Variants in TBK1 observed in about 807,000 individuals in gnomAD.
TBK1 encodes the protein TANK binding kinase 1, also known as serine/threonine-protein kinase TBK1.
TBK1 carries 37 observed loss-of-function variants against 99.9 expected under a neutral mutation model. The ratio of observed to expected loss-of-function variants is 0.37; its 90% CI spans 0.28 to 0.49. The LOEUF (loss-of-function observed/expected upper bound fraction) is 0.49. Among genes scored for constraint, TBK1 ranks in the 20% least tolerant of loss-of-function variants. The pLI is 0.98. For synonymous variants in TBK1, 258 were observed against 279.8 expected (o/e 0.92, Z 0.78); for missense variants, 644 against 872.5 (o/e 0.74, Z 3.30).
At chr12:64,489,322 CAG>C (rs754960585) in intron 12 of TBK1, among the ~76,000 whole-genome samples, 2 of 152,118 alleles carry the variant, frequency 1.3e-5, no homozygotes, top group Admixed American at 6.5e-5. Context: ...CGTTTTGAAA[CAG>C]AATGATATTT....
intron 8 of TBK1, among the ~76,000 whole-genome samples, chr12:64,482,810 T>A (rs1259117051): frequency 6.6e-6 from 1 of 152,240 alleles, no homozygotes; most frequent in Non-Finnish European, 1.5e-5. Flanking sequence ...TGTAGTTTTC[T>A]GTAAATATAC....
chr12:64,488,578 A>C lies in TBK1; in HGVS notation c.1432A>C (p.Thr478Pro), dbSNP rs749243773. Residue 478 changes from threonine to proline, a missense_variant, in exon 12 of 21, where the codon ACT (threonine) becomes CCT (proline). Thr to Pro is a conservative substitution (Grantham distance 38, BLOSUM62 -1). Around this residue, in one of 3 missense-constraint regions of TBK1, gnomAD observed 465 missense variants for 588.0 expected, o/e 0.79. Coordinates refer to ENST00000331710, the MANE Select transcript of TBK1 (RefSeq NM_013254.4). ...TTTCTGTATCAGAAACATTGAAAAA[A>C]CTGTGAAAGTGTGAGTAGACTACTT... is the stretch of plus-strand genomic sequence containing the variant. ...LDFCIRNIEK[T>P]VKVYEKLMKI... 6.3e-7 allele frequency: 1 copy of C among 1,597,404 alleles called. No individual in the cohort carries two copies. Among genetic ancestry groups the C allele is most frequent in the Admixed American group, 1.7e-5 (1 of 57,458 alleles).
intron 6 of TBK1, among the ~76,000 whole-genome samples, chr12:64,479,564 A>G (rs1009720952): frequency 6.6e-6 from 1 of 152,338 alleles, no homozygotes; most frequent in Non-Finnish European, 1.5e-5. Context: ...TGTGCTCTAT[A>G]TAGTATAATC....
intron 5 of TBK1, among the ~76,000 whole-genome samples, chr12:64,468,882 C>G (rs866651865): frequency 6.6e-6 from 1 of 152,088 alleles, no homozygotes; most frequent in African/African-American, 2.4e-5. Context: ...AAAGCTACCT[C>G]CCCCTGCAGA....
intron 3 of TBK1, among the ~76,000 whole-genome samples, chr12:64,461,447 G>T (rs1319502277): frequency 1.3e-5 from 2 of 152,106 alleles, no homozygotes; most frequent in South Asian, 4.1e-4. Context: ...CTCTTTATCC[G>T]AGTGATTTTA....
intron 3 of TBK1, among the ~76,000 whole-genome samples, chr12:64,462,694 TAGAA>T (rs1199241443): frequency 3.3e-5 from 5 of 152,116 alleles, no homozygotes; most frequent in Non-Finnish European, 5.9e-5. Context: ...AGAAAAAAAT[TAGAA>T]AAGAAACAAA....
At chr12:64,470,496 A>G (rs2040651752) in intron 5 of TBK1, among the ~76,000 whole-genome samples, 1 of 152,102 alleles carries the variant, frequency 6.6e-6, no homozygotes, top group South Asian at 2.1e-4. Context: ...TATTGACATG[A>G]TTTTCCAAAG....
intron 1 of TBK1, among the ~76,000 whole-genome samples, chr12:64,454,037 A>G (rs1191202768): frequency 6.6e-6 from 1 of 152,144 alleles, no homozygotes; most frequent in Non-Finnish European, 1.5e-5. Flanking sequence ...TGCAGTGACA[A>G]CATTTGTCTT....
At chr12:64,464,650 G>T (rs1054786893) in intron 4 of TBK1, among the ~76,000 whole-genome samples, 187 bp downstream of exon 4, 1 of 151,958 alleles carries the variant, frequency 6.6e-6, no homozygotes, top group Non-Finnish European at 1.5e-5. Context: ...GGCCTCAGAG[G>T]ACATCAGGTA....
At chr12:64,474,066 G>A (rs1222906611) in intron 5 of TBK1, among the ~76,000 whole-genome samples, 164 bp from the exon 6 acceptor site, 1 of 152,158 alleles carries the variant, frequency 6.6e-6, no homozygotes, top group African/African-American at 2.4e-5. Flanking sequence ...AGGTGGTGGA[G>A]GTTTGAGGAG....
At chr12:64,453,601 C>A (rs947699686) in intron 1 of TBK1, among the ~76,000 whole-genome samples, 1 of 152,122 alleles carries the variant, frequency 6.6e-6, no homozygotes, top group Non-Finnish European at 1.5e-5. Flanking sequence ...ATTTTCCTAA[C>A]CCAGCTTGGG....
intron 7 of TBK1, among the ~76,000 whole-genome samples, chr12:64,481,325 C>T (rs1219924801): frequency 1.3e-5 from 2 of 152,072 alleles, no homozygotes; most frequent in Middle Eastern, 3.2e-3. Context: ...CATTATCTAT[C>T]GAATCAGTCT....
chr12:64,487,382 A>G (rs1161146389), intron 11 of TBK1, among the ~76,000 whole-genome samples: 1 of 152,212 alleles, frequency 6.6e-6, no homozygotes, highest in African/African-American at 2.4e-5. Context: ...CCGTCTTGCA[A>G]AAGTGTGTAT....
intron 3 of TBK1, among the ~76,000 whole-genome samples, chr12:64,461,302 AT>A (rs1286519479): frequency 1.3e-5 from 2 of 152,104 alleles, no homozygotes; most frequent in Non-Finnish European, 2.9e-5. Flanking sequence ...AAAAGAATTG[AT>A]TTTTTTAAGG....
intron 9 of TBK1, among the ~76,000 whole-genome samples, chr12:64,485,040 A>G (rs2040804838): frequency 6.6e-6 from 1 of 152,122 alleles, no homozygotes; most frequent in Non-Finnish European, 1.5e-5. Context: ...TTCAGCAAAT[A>G]TTTTTTGTGT....
intron 3 of TBK1, 37 bp downstream of exon 3, chr12:64,460,366 T>G (rs1311161111): frequency 1.4e-6 from 2 of 1,451,846 alleles, no homozygotes; most frequent in African/African-American, 2.9e-5. Context: ...TTTATTGTAG[T>G]TACGAGTCAA....
At chr12:64,453,378 G>T (rs1011493335) in intron 1 of TBK1, among the ~76,000 whole-genome samples, 1 of 152,126 alleles carries the variant, frequency 6.6e-6, no homozygotes, top group Admixed American at 6.5e-5. Flanking sequence ...AAGGTTTTTC[G>T]TTAGATAGTT....
chr12:64,467,174 G>A, intron 5 of TBK1, 92 bp downstream of exon 5: 1 of 1,040,306 alleles, frequency 9.6e-7, no homozygotes, highest in Non-Finnish European at 1.3e-6. Flanking sequence ...ACTATAAAAT[G>A]TCATTTTTAT....
rs529643988 is a variant in TBK1 at position 64,484,406 on chromosome 12, C to T, written c.1096C>T (p.Leu366=). Residue 366 remains leucine, a synonymous_variant, in exon 9 of 21, where the codon CTG becomes TTG. Coordinates refer to ENST00000331710, the MANE Select transcript of TBK1 (RefSeq NM_013254.4). ...GRRLVLEPGR[L]AQHFPKTTEE... Reference sequence around the variant, plus strand: ...ACGCTTAGTCTTAGAACCTGGAAGGCTGGCACAACATTTCCCTAAAACTAC... The same window carrying T: ...ACGCTTAGTCTTAGAACCTGGAAGGTTGGCACAACATTTCCCTAAAACTAC... 5.6e-6 allele frequency: 9 copies of T among 1,614,128 alleles called. No individual in the cohort carries two copies. Among genetic ancestry groups the T allele is most frequent in the South Asian group, 1.1e-5 (1 of 91,082 alleles).
Sources: gnomAD v4.1 joint callset for allele counts (sites outside exome capture counted in the v4.1 genomes callset) on GRCh38, gnomAD v4.1.1 for gene constraint, gnomAD v4.1.1 regional missense constraint, MANE v1.5 for transcripts, NCBI Gene and HGNC (gene_info 2026-07-23, HGNC 2026-07-21) for gene names.